Variants in ARHGEF10 observed in about 807,000 individuals in gnomAD.
ARHGEF10 encodes the protein Rho guanine nucleotide exchange factor 10.
Under a neutral mutation model 147.4 loss-of-function variants are expected in ARHGEF10, and 140 were observed. The observed-to-expected ratio is 0.95, with a 90% CI of 0.83 to 1.09. The LOEUF (loss-of-function observed/expected upper bound fraction) is 1.09. Ranked by LOEUF, ARHGEF10 falls within the 50% of genes least tolerant of loss-of-function variation. The probability of loss-of-function intolerance (pLI) is 0.00; values close to 1 mark genes in which losing one functional copy is unlikely to be tolerated. For synonymous variants in ARHGEF10, 902 were observed against 695.8 expected (o/e 1.30, Z -4.67); for missense variants, 2,222 against 1,752.7 (o/e 1.27, Z -4.78).
chr8:1,875,606 T>C (rs534416175), intron 7 of ARHGEF10, among the ~76,000 whole-genome samples: 50 of 152,382 alleles, frequency 3.3e-4, no homozygotes, highest in Non-Finnish European at 5.0e-4. Context: ...TTTATGGCTT[T>C]GCCAGGCTGC....
At position 1,923,019 on chromosome 8, in the gene ARHGEF10, T is replaced by TG. The variant is rs763206851; in HGVS notation, c.2200dup (p.Asp734GlyfsTer16). 6.2e-7 allele frequency: 1 copy of TG among 1,613,770 alleles called. No individual in the cohort carries two copies. The highest frequency in any genetic ancestry group is 2.2e-5 in the East Asian group (1 of 44,830). ...ATCAAGATTTACAAAACTTGTTGCA[T>TG]GACTTAAATGTAATTGGCCAAATCA... On this transcript the variant is annotated frameshift_variant, in exon 19 of 29. Coordinates refer to ENST00000349830, the MANE Select transcript of ARHGEF10 (RefSeq NM_014629.4). LOFTEE classifies it high-confidence loss of function.
At chr8:1,935,193 C>T (rs1813477926) in intron 26 of ARHGEF10, among the ~76,000 whole-genome samples, 1 of 152,032 alleles carries the variant, frequency 6.6e-6, no homozygotes, top group Non-Finnish European at 1.5e-5. Flanking sequence ...CCATGTACCC[C>T]TCCTCCCACA....
chr8:1,826,141 A>G, intron 1 of ARHGEF10: 1 of 1,592,972 alleles, frequency 6.3e-7, no homozygotes, highest in Non-Finnish European at 8.5e-7. Context: ...CAGCAGTAAG[A>G]AAAGTCATTT....
At chr8:1,881,196 C>T (rs765909820) in intron 9 of ARHGEF10, among the ~76,000 whole-genome samples, 2 of 152,124 alleles carry the variant, frequency 1.3e-5, no homozygotes, top group Admixed American at 6.5e-5. Context: ...GCTCGCTTCC[C>T]CTGGTGAGAA....
At chr8:1,925,995 C>T (rs1480098412) in intron 22 of ARHGEF10, among the ~76,000 whole-genome samples, 5 of 152,180 alleles carry the variant, frequency 3.3e-5, no homozygotes, top group African/African-American at 4.8e-5. Context: ...GAGTTGCAGG[C>T]GGTGCACAGG....
In ARHGEF10 at chr8:1,956,914, G is replaced by C. The variant is rs144877159; in HGVS notation, c.3686G>C (p.Gly1229Ala). The C allele has an allele frequency of 5.4e-5, 87 of 1,614,138 alleles. No individual in the cohort carries two copies. In the African/African-American group the frequency reaches 9.3e-4, roughly 17 times the overall value. ...QKDALPSGGA[G>A]SSLSQGDPDA... ...GACGCACTTCCGAGTGGAGGAGCTG[G>C]TTCATCTCTGAGCCAGGGTGACCCT... The change falls in exon 29 of 29, where the codon GGT becomes GCT. Residue 1229 changes from glycine (G) to alanine (A), a missense_variant. Transcript: ENST00000349830.
intron 1 of ARHGEF10, among the ~76,000 whole-genome samples, chr8:1,830,102 TTCTGTCTGCAGA>T (rs1020129759): frequency 4.6e-5 from 7 of 152,202 alleles, no homozygotes; most frequent in Non-Finnish European, 8.8e-5. Flanking sequence ...CCCCGCTCCG[TTCTGTCTGCAGA>T]CGGCCCCAGA....
chr8:1,879,711 C>T (rs1170692663), intron 8 of ARHGEF10, among the ~76,000 whole-genome samples: 1 of 152,044 alleles, frequency 6.6e-6, no homozygotes, highest in Non-Finnish European at 1.5e-5. Flanking sequence ...CACCACCCTA[C>T]CTGGCTAATT....
chr8:1,913,908 A>G (rs11995917), intron 18 of ARHGEF10, among the ~76,000 whole-genome samples: 22,552 of 152,180 alleles, frequency 0.15, 1,786 homozygotes, highest in African/African-American at 0.17. Flanking sequence ...GAGGAGGGTG[A>G]GAGACAGCTC....
Position 1,933,837 on chromosome 8 carries a change from G to T in ARHGEF10, c.3117G>T (p.Lys1039Asn). The T allele has an allele frequency of 6.2e-7, 1 of 1,614,216 alleles. No homozygotes were observed. Among genetic ancestry groups the T allele is most frequent in the Non-Finnish European group, 8.5e-7 (1 of 1,180,032 alleles). Residue 1039 changes from lysine (K) to asparagine (N), a missense_variant, in exon 26 of 29, where the codon AAG becomes AAT. Lys to Asn is a moderately conservative substitution (Grantham distance 94). Coordinates refer to ENST00000349830, the MANE Select transcript of ARHGEF10 (RefSeq NM_014629.4). ...ATTCAGAACCTCAAAAAGTGATCAA[G>T]TTAGGCGTCCTACCAGTTAGAAGTC... ...SWDSEPQKVI[K>N]LGVLPVRSLL...
intron 15 of ARHGEF10, among the ~76,000 whole-genome samples, chr8:1,900,171 G>T (rs1219924820): frequency 6.6e-6 from 1 of 152,154 alleles, no homozygotes; most frequent in Non-Finnish European, 1.5e-5. Context: ...GTAACTACAA[G>T]TAAGTAAGTA....
intron 26 of ARHGEF10, among the ~76,000 whole-genome samples, chr8:1,942,024 T>A (rs1007036488): frequency 6.6e-6 from 1 of 151,968 alleles, no homozygotes; most frequent in African/African-American, 2.4e-5. Context: ...TAAAAGAAAT[T>A]ATAGGGGTAA....
At chr8:1,914,087 C>G (rs932426065) in intron 18 of ARHGEF10, among the ~76,000 whole-genome samples, 1 of 152,188 alleles carries the variant, frequency 6.6e-6, no homozygotes, top group African/African-American at 2.4e-5. Context: ...TAGCAAAGAA[C>G]CAGCACCAAG....
intron 2 of ARHGEF10, among the ~76,000 whole-genome samples, chr8:1,854,856 A>G (rs563777125): frequency 3.3e-5 from 5 of 152,306 alleles, no homozygotes; most frequent in African/African-American, 1.2e-4. Flanking sequence ...GGCGGTGAGC[A>G]GAGGTGCCGG....
intron 26 of ARHGEF10, among the ~76,000 whole-genome samples, chr8:1,940,472 A>C (rs2129258978): frequency 6.6e-6 from 1 of 152,348 alleles, no homozygotes; most frequent in Non-Finnish European, 1.5e-5. Flanking sequence ...GTAGTAAGGA[A>C]ATTGAATCAG....
intron 5 of ARHGEF10, among the ~76,000 whole-genome samples, chr8:1,865,295 G>T (rs560160075): frequency 4.4e-4 from 66 of 151,274 alleles, no homozygotes; most frequent in Non-Finnish European, 8.9e-4. Context: ...ACCAGGACAT[G>T]GGGCATCCCC....
At chr8:1,894,689 T>C in intron 13 of ARHGEF10, 117 bp downstream of exon 13, 1 of 1,178,042 alleles carries the variant, frequency 8.5e-7, no homozygotes, top group Non-Finnish European at 1.2e-6. Flanking sequence ...TGTGCAGTTC[T>C]CTCTAAAGGC....
intron 1 of ARHGEF10, among the ~76,000 whole-genome samples, chr8:1,833,055 GAGAGAGACAGAGACAGAGGC>G (rs1563149456): frequency 1.9e-4 from 4 of 21,360 alleles, no homozygotes; most frequent in East Asian, 1.4e-3. Context: ...GACAGAGGCA[GAGAGAGACAGAGACAGAGGC>G]AGAGAGACAG....
At chr8:1,888,057 GAGT>G (rs1808856915) in intron 11 of ARHGEF10, among the ~76,000 whole-genome samples, 1 of 130,196 alleles carries the variant, frequency 7.7e-6, no homozygotes, top group African/African-American at 3.0e-5. Flanking sequence ...AGGAGACAGT[GAGT>G]GGGATGAGGG....
Sources: allele counts gnomAD v4.1 joint callset (sites outside exome capture counted in the v4.1 genomes callset), GRCh38; gene constraint gnomAD v4.1.1; transcripts MANE v1.5; gene names NCBI Gene and HGNC (gene_info 2026-07-23, HGNC 2026-07-21).